The following RGS6 variants were observed in gnomAD, a reference collection of about 807,000 sequenced individuals.
RGS6 encodes the protein regulator of G protein signaling 6.
In RGS6, 30 loss-of-function variants were observed where a neutral mutation model predicts 78.5. That is an observed-to-expected ratio of 0.38 (90% CI 0.29 to 0.52). The LOEUF (loss-of-function observed/expected upper bound fraction) is 0.52. RGS6 is among the 20% of genes least tolerant of loss of function. The pLI is 0.85. For missense variants in RGS6, 495 were observed against 609.7 expected (o/e 0.81, Z 1.98); for synonymous variants, 206 against 206.0 (o/e 1.00, Z 0.00).
chr14:72,144,711 A>G (rs1031705278), intron 2 of RGS6, among the ~76,000 whole-genome samples: 3 of 152,102 alleles, frequency 2.0e-5, no homozygotes, highest in African/African-American at 2.4e-5. Flanking sequence ...CTGCTCTTCT[A>G]CAGTTGAGTC....
rs181289376 is a variant in RGS6 at position 72,551,237 on chromosome 14, A to G, written c.1422+11143A>G. On this transcript the variant is annotated intron_variant, in intron 17 of 17. Coordinates refer to ENST00000553525, the MANE Select transcript of RGS6 (RefSeq NM_001204424.2). ...GTGTGAGCCCCGTGACCCACCCTTC[A>G]GCAGGTTCATCCAGGTTCCCCTCAT... 3.5e-4 allele frequency among the ~76,000 whole-genome samples: 53 copies of G among 152,248 alleles called. No individual in the cohort carries two copies. In the East Asian group the frequency reaches 9.4e-3, roughly 27 times the overall value.
At chr14:72,388,698 C>T (rs2089043234) in intron 3 of RGS6, among the ~76,000 whole-genome samples, 2 of 152,196 alleles carry the variant, frequency 1.3e-5, no homozygotes, top group Admixed American at 6.5e-5. Context: ...GACCCTCAGG[C>T]TTCTTAAGTT....
At chr14:72,312,224 TG>T (rs1298285181) in intron 2 of RGS6, among the ~76,000 whole-genome samples, 9 of 99,764 alleles carry the variant, frequency 9.0e-5, no homozygotes, top group South Asian at 7.1e-4. Flanking sequence ...GCTGAGAAAT[TG>T]TTTTTTTTTT....
intron 17 of RGS6, among the ~76,000 whole-genome samples, chr14:72,548,844 TAAC>T (rs953062442): frequency 8.5e-5 from 13 of 152,176 alleles, no homozygotes; most frequent in African/African-American, 2.9e-4. Context: ...AAAAATATTC[TAAC>T]AATAACAGAA....
intron 1 of RGS6, among the ~76,000 whole-genome samples, chr14:71,943,120 A>AC (rs1168281588): frequency 1.3e-5 from 2 of 152,116 alleles, no homozygotes; most frequent in African/African-American, 4.8e-5. Context: ...CCTTGGAAAT[A>AC]CCCCAGGCAC....
the RGS6 span, chr14:72,629,788 C>A: frequency 7.4e-7 from 1 of 1,347,788 alleles, no homozygotes; most frequent in South Asian, 1.2e-5. Context: ...AACTGCCACC[C>A]CTCAACACCA....
chr14:72,226,884 G>C (rs1235698760), intron 2 of RGS6, among the ~76,000 whole-genome samples: 1 of 152,016 alleles, frequency 6.6e-6, no homozygotes, highest in African/African-American at 2.4e-5. Flanking sequence ...ATGGCTTTTT[G>C]CCATGTTATC....
At chr14:72,566,628 A>ATC (rs1358328820), downstream of RGS6, 190 of 66,068 alleles carry the variant, frequency 2.9e-3, 7 homozygotes, top group African/African-American at 0.013. Context: ...CTTCCCCATT[A>ATC]TCACACACAC....
At chr14:72,104,853 G>C (rs941890042) in intron 2 of RGS6, among the ~76,000 whole-genome samples, 9 of 152,186 alleles carry the variant, frequency 5.9e-5, no homozygotes, top group African/African-American at 2.2e-4. Flanking sequence ...ACAGAATTCT[G>C]TGTTTTAAAT....
intron 3 of RGS6, among the ~76,000 whole-genome samples, chr14:72,359,728 A>G (rs977480499): frequency 1.3e-5 from 2 of 152,224 alleles, no homozygotes; most frequent in Non-Finnish European, 2.9e-5. Context: ...AATCAAGAGG[A>G]TATAATTTCT....
chr14:72,370,884 G>T (rs771076230), intron 3 of RGS6, among the ~76,000 whole-genome samples: 1 of 152,042 alleles, frequency 6.6e-6, no homozygotes, highest in Non-Finnish European at 1.5e-5. Context: ...AAGTCAGTTC[G>T]GTGAATAAAG....
rs569160064 is a variant in RGS6 at position 72,003,324 on chromosome 14, A to C, written c.84+38449A>C. On this transcript the variant is annotated intron_variant, in intron 2 of 17. Transcript: ENST00000553525. ...CGTTGTTGGTATATTATTACTTTGT[A>C]AAAATCATGGCCCTATGCACAACAT... Among the ~76,000 whole-genome samples, 8 of 152,342 alleles carry C rather than the reference A, an allele frequency of 5.3e-5. No homozygotes were observed. The South Asian group carries it at 8.3e-4, about 16-fold the overall frequency.
intron 3 of RGS6, among the ~76,000 whole-genome samples, chr14:72,449,287 A>G (rs1376214250): frequency 1.3e-5 from 2 of 152,258 alleles, no homozygotes; most frequent in Non-Finnish European, 2.9e-5. Context: ...TTCATTTATC[A>G]GTACTATGAT....
chr14:72,171,704 AT>A (rs1269742017), intron 2 of RGS6, among the ~76,000 whole-genome samples: 1 of 152,198 alleles, frequency 6.6e-6, no homozygotes, highest in East Asian at 1.9e-4. Flanking sequence ...CAGCTTTGTT[AT>A]TTTTAGTGGT....
chr14:72,027,087 G>A (rs1166162110), intron 2 of RGS6, among the ~76,000 whole-genome samples: 1 of 152,106 alleles, frequency 6.6e-6, no homozygotes, highest in Non-Finnish European at 1.5e-5. Flanking sequence ...AGAGGAGGCT[G>A]GAGAGGAAAT....
chr14:72,355,518 A>G (rs896890619), intron 3 of RGS6, among the ~76,000 whole-genome samples: 6 of 152,086 alleles, frequency 3.9e-5, no homozygotes, highest in African/African-American at 1.2e-4. Flanking sequence ...ATTCATTTAG[A>G]TATTTATTGA....
the RGS6 span, among the ~76,000 whole-genome samples, chr14:72,574,111 A>G: frequency 1.1e-3 from 164 of 152,318 alleles, no homozygotes; most frequent in African/African-American, 3.7e-3. Flanking sequence ...CAACATCCAC[A>G]ATGCCCCTCC....
At chr14:72,178,770 G>C (rs543080930) in intron 2 of RGS6, among the ~76,000 whole-genome samples, 1 of 152,300 alleles carries the variant, frequency 6.6e-6, no homozygotes, top group African/African-American at 2.4e-5. Flanking sequence ...AGTGTTAGTA[G>C]TGAACATCTC....
chr14:72,205,424 A>G (rs2042496737), intron 2 of RGS6, among the ~76,000 whole-genome samples: 1 of 152,270 alleles, frequency 6.6e-6, no homozygotes, highest in Admixed American at 6.5e-5. Flanking sequence ...TTTTAAAACT[A>G]TTATTTAAAA....
Sources: allele counts gnomAD v4.1 joint callset (sites outside exome capture counted in the v4.1 genomes callset), GRCh38; gene constraint gnomAD v4.1.1; transcripts MANE v1.5; gene names NCBI Gene and HGNC (gene_info 2026-07-23, HGNC 2026-07-21).